FAXDC2: variants seen among roughly 807,000 people sequenced by gnomAD.
FAXDC2 encodes fatty acid hydroxylase domain-containing protein 2.
FAXDC2 carries 41 observed loss-of-function variants against 40.9 expected under a neutral mutation model. The observed-to-expected ratio is 1.00, with a 90% CI of 0.78 to 1.30. The LOEUF is 1.30. FAXDC2 is among the 50% of genes most tolerant of loss of function. FAXDC2 has a pLI of 0.00. For missense variants in FAXDC2, 390 were observed against 408.8 expected, an observed-to-expected ratio of 0.95 and a Z score of 0.40; for synonymous variants, 157 against 149.3, an observed-to-expected ratio of 1.05 and a Z score of -0.38.
rs1350061378 is a variant in FAXDC2, at chr5:154,822,513, T to G, written c.637A>C (p.Ile213Leu). ...TGGGCATAGAGAGAGATCACGCCAA[T>G]GGGAGCTGTCCACTCATGGTGTTTC... is the stretch of plus-strand genomic sequence containing the variant. The part of the protein sequence containing the change: ...HKKHHEWTAP[I>L]GVISLYAHPI... Residue 213 changes from isoleucine (I) to leucine (L), a missense_variant, in exon 7 of 9, where the codon ATT becomes CTT. Transcript: ENST00000326080. 3 of 1,614,048 alleles carry G rather than the reference T, an allele frequency of 1.9e-6. No homozygotes were observed. Among genetic ancestry groups the G allele is most frequent in the Non-Finnish European group, 2.5e-6 (3 of 1,180,018 alleles).
At position 154,849,597 on chromosome 5, in the gene FAXDC2, G is replaced by C. The variant is rs1485651304; in HGVS notation, c.-1+886C>G. ...CAAAAAGTGTTCAACATTTGCTATG[G>C]AACATTTTAGCACCATTCCCTTGTG... On this transcript the variant is annotated intron_variant, in intron 1 of 8. Transcript: ENST00000326080. Among the ~76,000 whole-genome samples the C allele has an allele frequency of 2.6e-5, 4 of 152,178 alleles. No homozygotes were observed. In the East Asian group the frequency reaches 7.7e-4, roughly 29 times the overall value.
Position 154,820,200 on chromosome 5 carries a change from TG to T in FAXDC2, c.*115del. 1 of 818,052 alleles carries T rather than the reference TG, an allele frequency of 1.2e-6. No individual in the cohort carries two copies. 50.7% of individuals were successfully genotyped at this position (818,052 alleles called of 1,614,324 possible). The stretch of plus-strand genomic sequence containing the variant: ...CGGGAAGCCGACCTTCCCTCTACCC[TG>T]GTGGTGCCATCATTAGGGCGTGTGG... On this transcript the variant is annotated 3_prime_UTR_variant, in exon 9 of 9. Transcript: ENST00000326080.
chr5:154,841,366 T>C (rs1045693653), intron 1 of FAXDC2, among the ~76,000 whole-genome samples: 18 of 152,172 alleles, frequency 1.2e-4, no homozygotes, highest in African/African-American at 4.3e-4. Context: ...CTCCAGGTTC[T>C]GATACTGAGT....
rs1032037911 is a variant in FAXDC2 at position 154,847,891 on chromosome 5, G to C, written c.-1+2592C>G. Among the ~76,000 whole-genome samples the C allele has an allele frequency of 8.6e-5, 13 of 151,436 alleles. 2 individuals carry two copies. Among genetic ancestry groups the C allele is most frequent in the Middle Eastern group, 3.4e-3 (1 of 290 alleles). ...GTCTTGCTCTGTCACCCAGGCTGGAGTGCAGTGGCGCGATCTTGGCTCACT... is the reference window on the plus strand; with the variant it reads ...GTCTTGCTCTGTCACCCAGGCTGGACTGCAGTGGCGCGATCTTGGCTCACT... On this transcript the variant is annotated intron_variant, in intron 1 of 8. Transcript: ENST00000326080.
rs1582516321 is a variant in FAXDC2 at position 154,820,195 on chromosome 5, T to C, written c.*121A>G. On this transcript the variant is annotated 3_prime_UTR_variant, in exon 9 of 9. Coordinates refer to ENST00000326080, the MANE Select transcript of FAXDC2 (RefSeq NM_032385.5). ...TTTTCCGGGAAGCCGACCTTCCCTC[T>C]ACCCTGGTGGTGCCATCATTAGGGC... 1 of 789,002 alleles carries C rather than the reference T, an allele frequency of 1.3e-6. No homozygotes were observed. The highest frequency in any genetic ancestry group is 2.8e-5 in the East Asian group (1 of 35,978). The allele number at this position is 789,002 out of a possible 1,614,324, so 48.9% of individuals were successfully genotyped here. A position where few individuals can be genotyped will look rare whatever the true frequency, so the allele number is the denominator to read the frequency against.
At chr5:154,826,904 A>T (rs1274356646) in intron 5 of FAXDC2, among the ~76,000 whole-genome samples, 1 of 152,214 alleles carries the variant, frequency 6.6e-6, no homozygotes, top group African/African-American at 2.4e-5. Context: ...AAAAATATTT[A>T]AAATTGGTGA....
chr5:154,842,725 T>C (rs1760509182), intron 1 of FAXDC2, among the ~76,000 whole-genome samples: 1 of 147,482 alleles, frequency 6.8e-6, no homozygotes, highest in Admixed American at 6.9e-5. Context: ...AGAGATGGGG[T>C]TTCACCATTT....
At position 154,825,650 on chromosome 5, in the gene FAXDC2, C is replaced by CAAAAAAAAAAAA. The variant is rs386358555; in HGVS notation, c.367-2070_367-2059dup. The stretch of plus-strand genomic sequence containing the variant: ...TGGGTGACAGAGTGAGACTCCGTCT[C>CAAAAAAAAAAAA]AAAAAAAAAAAAAAAAAAGCAGTAA... On this transcript the variant is annotated intron_variant, in intron 5 of 8. Coordinates refer to ENST00000326080, the MANE Select transcript of FAXDC2 (RefSeq NM_032385.5). 2.7e-3 allele frequency among the ~76,000 whole-genome samples: 81 copies of CAAAAAAAAAAAA among 30,136 alleles called. 23 individuals carry two copies. Among genetic ancestry groups the CAAAAAAAAAAAA allele is most frequent in the African/African-American group, 0.011 (70 of 6,454 alleles). 19.8% of individuals were successfully genotyped at this position (30,136 alleles called of 152,430 possible). A position where few individuals can be genotyped will look rare whatever the true frequency, so the allele number is the denominator to read the frequency against.
rs1440171715 is a variant in FAXDC2, at chr5:154,834,875, G to A, written c.108C>T (p.Leu36=). The change falls in exon 3 of 9, where the codon CTC becomes CTT. Residue 36 remains leucine, a synonymous_variant. Transcript: ENST00000326080. ...CTGAGTTCCAGAAGGCCACAAATGA[G>A]AGAAGTCCAGAGCCCAGGATGAAAG... The part of the protein sequence containing the change: ...RTAFILGSGL[L]SFVAFWNSVT... 2 of 1,610,596 alleles carry A rather than the reference G, an allele frequency of 1.2e-6. No individual in the cohort carries two copies. The highest frequency in any genetic ancestry group is 1.3e-5 in the African/African-American group (1 of 74,864).
chr5:154,833,759 C>A (rs1760251581), intron 4 of FAXDC2, among the ~76,000 whole-genome samples: 2 of 152,084 alleles, frequency 1.3e-5, no homozygotes, highest in Non-Finnish European at 2.9e-5. Context: ...ACCCGCCTCC[C>A]AGGTTCAAGT....
At chr5:154,850,139 G>T (rs894316928) in intron 1 of FAXDC2, among the ~76,000 whole-genome samples, 2 of 152,186 alleles carry the variant, frequency 1.3e-5, no homozygotes, top group Non-Finnish European at 2.9e-5. Context: ...ATTAGGAGTT[G>T]CTCCTTTACA....
In FAXDC2 at chr5:154,823,561, C is replaced by G; in HGVS notation, c.398G>C (p.Arg133Pro). The G allele has an allele frequency of 1.2e-6, 2 of 1,613,978 alleles. No homozygotes were observed. Among genetic ancestry groups the G allele is most frequent in the Non-Finnish European group, 1.7e-6 (2 of 1,179,922 alleles). The part of the protein sequence containing the change: ...VDPVKLRQSI[R>P]TVLFNQCMIS... ...CATGCACTGGTTGAAAAGAACTGTG[C>G]GGATAGACTGGCGCAGTTTCACAGG... The change falls in exon 6 of 9, where the codon CGC becomes CCC. Residue 133 changes from arginine to proline, a missense_variant. Physicochemically the swap from Arg to Pro is moderately radical, Grantham distance 103. Transcript: ENST00000326080.
At chr5:154,839,668 G>A (rs1221575974) in intron 1 of FAXDC2, among the ~76,000 whole-genome samples, 1 of 151,654 alleles carries the variant, frequency 6.6e-6, no homozygotes, top group African/African-American at 2.4e-5. Context: ...AAAAAAAAAA[G>A]AACAATAGAA....
chr5:154,828,121 T>C (rs980355365), intron 5 of FAXDC2, among the ~76,000 whole-genome samples: 1 of 151,986 alleles, frequency 6.6e-6, no homozygotes, highest in African/African-American at 2.4e-5. Context: ...AAGTCTGGGA[T>C]TACAGGCGTG....
rs77412577 is a variant in FAXDC2 at position 154,819,499 on chromosome 5, A to G, written c.*817T>C. 4,759 of 152,242 alleles carry G rather than the reference A, an allele frequency of 0.031. 117 individuals carry two copies. The highest frequency in any genetic ancestry group is 0.046 in the Non-Finnish European group (3,097 of 68,018). 9.4% of individuals were successfully genotyped at this position (152,242 alleles called of 1,614,324 possible). A position where few individuals can be genotyped will look rare whatever the true frequency, so the allele number is the denominator to read the frequency against. On this transcript the variant is annotated 3_prime_UTR_variant, in exon 9 of 9. Coordinates refer to ENST00000326080, the MANE Select transcript of FAXDC2 (RefSeq NM_032385.5). Reference sequence around the variant, plus strand: ...TAATTAGGGGTCTCGGGTGTCCCCAAAGGGCAGCAACTTTGACCCCTCCCC... The same window carrying G: ...TAATTAGGGGTCTCGGGTGTCCCCAGAGGGCAGCAACTTTGACCCCTCCCC...
At chr5:154,824,612 C>T in intron 5 of FAXDC2, 1 of 701,894 alleles carries the variant, frequency 1.4e-6, no homozygotes. Context: ...AAACCTTGAC[C>T]AAGAGGCGGG....
intron 1 of FAXDC2, among the ~76,000 whole-genome samples, chr5:154,840,498 A>G (rs943150147): frequency 6.6e-6 from 1 of 151,956 alleles, no homozygotes; most frequent in Admixed American, 6.6e-5. Context: ...AGCTGGGACT[A>G]CAGGTGTACA....
At chr5:154,830,691 A>G in intron 5 of FAXDC2, 110 bp downstream of exon 5, 3 of 1,287,146 alleles carry the variant, frequency 2.3e-6, no homozygotes, top group African/African-American at 1.5e-5. Flanking sequence ...TGTTGCTAAT[A>G]ACTTGGCTCA....
intron 1 of FAXDC2, 103 bp from the exon 2 acceptor site, chr5:154,838,281 A>G (rs998221727): frequency 1.1e-5 from 6 of 571,300 alleles, no homozygotes; most frequent in East Asian, 5.2e-5. Context: ...GTGATTTTTG[A>G]AAAAAAAAAA....
Sources: allele counts gnomAD v4.1 joint callset (sites outside exome capture counted in the v4.1 genomes callset), GRCh38; gene constraint gnomAD v4.1.1; transcripts MANE v1.5; gene names NCBI Gene and HGNC (gene_info 2026-07-23, HGNC 2026-07-21).